BAIAP3: variants seen among roughly 807,000 people sequenced by gnomAD.
BAIAP3 encodes the protein BAI1 associated protein 3.
In BAIAP3, 180 loss-of-function variants were observed where a neutral mutation model predicts 149.7. The observed-to-expected ratio is 1.20, with a 90% confidence interval of 1.07 to 1.36. The LOEUF (loss-of-function observed/expected upper bound fraction) is 1.36. Among genes scored for constraint, BAIAP3 ranks in the 40% most tolerant of loss-of-function variants. The probability of loss-of-function intolerance (pLI) is 0.00; values close to 1 mark genes in which losing one functional copy is unlikely to be tolerated. For synonymous variants in BAIAP3, 845 were observed against 670.7 expected (o/e 1.26, Z -4.02); for missense variants, 1,767 against 1,563.4 (o/e 1.13, Z -2.20).
Position 1,348,103 on chromosome 16 carries a change from C to G in BAIAP3, c.3157C>G (p.Pro1053Ala), listed in dbSNP as rs1199631032. ...ACTGGCCTCTGTCCGCAGTTCCGTG[C>G]CTGCCGAGGCGTGCCGCCGCCGCGC... ...VYDELFYFSVPAEACRRRAAC... is the reference protein window; with the variant it reads ...VYDELFYFSVAAEACRRRAAC... The change falls in exon 33 of 34, where the codon CCT (proline) becomes GCT (alanine). Residue 1053 changes from proline to alanine, a missense_variant. Physicochemically the swap from Pro to Ala is conservative, Grantham distance 27. Coordinates refer to ENST00000426824, the MANE Select transcript of BAIAP3 (RefSeq NM_001199097.2). The G allele has an allele frequency of 3.1e-6, 5 of 1,602,758 alleles. No homozygotes were observed. The highest frequency in any genetic ancestry group is 4.2e-6 in the Non-Finnish European group (5 of 1,179,298).
chr16:1,334,501 C>G, intron 1 of BAIAP3: 1 of 640,008 alleles, frequency 1.6e-6, no homozygotes, highest in Non-Finnish European at 2.8e-6. Context: ...GGGAGCGCTG[C>G]GCAGACACGG....
intron 28 of BAIAP3, 56 bp downstream of exon 28, chr16:1,347,011 T>TC (rs1201086428): frequency 3.0e-5 from 45 of 1,481,438 alleles, no homozygotes; most frequent in Non-Finnish European, 4.0e-5. Flanking sequence ...GCTGCTCTGA[T>TC]CCCTCCCTTT....
rs771377378 is a variant in BAIAP3, at chr16:1,342,230, C to A, written c.904C>A (p.Pro302Thr). ...AGCCCGCGCAAACGGGACAGCAGGA[C>A]CCACCGAGGACCACACCGATGACTT... ...KSARANGTAG[P>T]TEDHTDDFLG... Residue 302 changes from proline (P) to threonine (T), a missense_variant, in exon 11 of 34, where the codon CCC becomes ACC. Coordinates refer to ENST00000426824, the MANE Select transcript of BAIAP3 (RefSeq NM_001199097.2). The A allele has an allele frequency of 6.2e-7, 1 of 1,607,868 alleles. No individual in the cohort carries two copies. The highest frequency in any genetic ancestry group is 1.1e-5 in the South Asian group (1 of 90,792).
At position 1,349,337 on chromosome 16, in the gene BAIAP3, C is replaced by T; in HGVS notation, c.*855C>T. 1.5e-6 allele frequency: 2 copies of T among 1,360,548 alleles called. No individual in the cohort carries two copies. The highest frequency in any genetic ancestry group is 2.1e-6 in the Non-Finnish European group (2 of 951,120). The allele number at this position is 1,360,548 out of a possible 1,614,324, so 84.3% of individuals were successfully genotyped here. A position where few individuals can be genotyped will look rare whatever the true frequency, so the allele number is the denominator to read the frequency against. The stretch of plus-strand genomic sequence containing the variant: ...GAGAACCCGGACAGCTCAGTCCTGC[C>T]AGCAGCCGCAAAGAGCCGAGGCTGC... On this transcript the variant is annotated 3_prime_UTR_variant, in exon 34 of 34. Transcript: ENST00000426824.
Position 1,346,169 on chromosome 16 carries a change from GCTCT to G in BAIAP3, c.2302_2305del (p.Leu768AlafsTer18), listed in dbSNP as rs1280317470. On this transcript the variant is annotated frameshift_variant and splice_region_variant, in exon 25 of 34. Coordinates refer to ENST00000426824, the MANE Select transcript of BAIAP3 (RefSeq NM_001199097.2). LOFTEE classifies it high-confidence loss of function. ...TCGTTGCCTGGCCACACCTCCTCCA[GCTCT>G]GCGTGGTCCTCAACAATGTGGAGCT... 3.7e-6 allele frequency: 6 copies of G among 1,610,838 alleles called. No homozygotes were observed. Among genetic ancestry groups the G allele is most frequent in the Non-Finnish European group, 5.1e-6 (6 of 1,179,702 alleles).
chr16:1,347,671 GC>G, intron 30 of BAIAP3, 29 bp from the exon 31 acceptor site: 12 of 1,612,354 alleles, frequency 7.4e-6, no homozygotes, highest in Admixed American at 1.7e-5. Context: ...GGCTCCCAGA[GC>G]CCAGCTGCGC....
At position 1,346,371 on chromosome 16, in the gene BAIAP3, G is replaced by A. The variant is rs761959262; in HGVS notation, c.2493+10G>A. ...GCACCTGACCTCTAAGGTGGGTGGG[G>A]CCTGGAGACCAAGGCGTGGAGGCAG... On this transcript the variant is annotated intron_variant, in intron 25 of 33. Coordinates refer to ENST00000426824, the MANE Select transcript of BAIAP3 (RefSeq NM_001199097.2). 8.7e-6 allele frequency: 14 copies of A among 1,610,352 alleles called. No individual in the cohort carries two copies. The highest frequency in any genetic ancestry group is 1.2e-5 in the Non-Finnish European group (14 of 1,178,102).
rs746517286 is a variant in BAIAP3, at chr16:1,341,107, C to T, written c.469-22C>T. 98 of 1,610,766 alleles carry T rather than the reference C, an allele frequency of 6.1e-5. 1 individual carries two copies. The South Asian group carries it at 1.1e-3, about 18-fold the overall frequency. Reference sequence around the variant, plus strand: ...GGGGGCAGCTCAGCCTCACCAGGCCCCCCACGCCCCTCTGTCCACAGGCCC... The same window carrying T: ...GGGGGCAGCTCAGCCTCACCAGGCCTCCCACGCCCCTCTGTCCACAGGCCC... On this transcript the variant is annotated intron_variant, in intron 6 of 33. Transcript: ENST00000426824.
chr16:1,341,685 A>T, intron 8 of BAIAP3, 137 bp from the exon 9 acceptor site: 1 of 1,196,568 alleles, frequency 8.4e-7, no homozygotes, highest in East Asian at 2.4e-5. Context: ...ACCTGGCGGG[A>T]TCAGGATTTG....
rs748121431 is a variant in BAIAP3 at position 1,340,965 on chromosome 16, G to A, written c.452G>A (p.Arg151Gln). Residue 151 changes from arginine (R) to glutamine (Q), a missense_variant, in exon 6 of 34, where the codon CGA (arginine) becomes CAA (glutamine). Coordinates refer to ENST00000426824, the MANE Select transcript of BAIAP3 (RefSeq NM_001199097.2). ...GAGGAGCACACTGAGGCCATCGAGC[G>A]AGTGAGGAAGGCCAAGGTGAGGCCG... is the stretch of plus-strand genomic sequence containing the variant. ...SLEEHTEAIE[R>Q]VRKAKAPTYA... 49 of 1,592,232 alleles carry A rather than the reference G, an allele frequency of 3.1e-5. No homozygotes were observed. The highest frequency in any genetic ancestry group is 3.9e-5 in the Non-Finnish European group (46 of 1,170,056).
chr16:1,339,926 C>G (rs1479838724), intron 5 of BAIAP3, among the ~76,000 whole-genome samples: 1 of 145,324 alleles, frequency 6.9e-6, no homozygotes, highest in Non-Finnish European at 1.5e-5. Flanking sequence ...GCTGCAGGTG[C>G]ACACAGACAC....
At chr16:1,338,506 G>C in intron 1 of BAIAP3, 34 bp from the exon 2 acceptor site, 1 of 1,560,536 alleles carries the variant, frequency 6.4e-7, no homozygotes, top group Admixed American at 1.8e-5. Flanking sequence ...TTGAGTGGAC[G>C]ACCTGAGGCT....
chr16:1,343,059 C>T lies in BAIAP3; in HGVS notation c.1265+43C>T, dbSNP rs755738958. 12 of 1,349,272 alleles carry T rather than the reference C, an allele frequency of 8.9e-6. No homozygotes were observed. The African/African-American group carries it at 1.7e-4, about 19-fold the overall frequency. The allele number at this position is 1,349,272 out of a possible 1,614,324, so 83.6% of individuals were successfully genotyped here. Reference sequence around the variant, plus strand: ...CGAGTGGGCGGGGAATGTGGGCGGGCGTGAGCGAGTGGGGCATCGGGGGCC... The same window carrying T: ...CGAGTGGGCGGGGAATGTGGGCGGGTGTGAGCGAGTGGGGCATCGGGGGCC... On this transcript the variant is annotated intron_variant, in intron 14 of 33. Coordinates refer to ENST00000426824, the MANE Select transcript of BAIAP3 (RefSeq NM_001199097.2).
intron 31 of BAIAP3, 23 bp downstream of exon 31, chr16:1,347,844 C>A: frequency 1.3e-6 from 2 of 1,484,744 alleles, no homozygotes; most frequent in Non-Finnish European, 1.8e-6. Context: ...GGGGACGGGT[C>A]GGGTGGTGGT....
At position 1,340,409 on chromosome 16, in the gene BAIAP3, C is replaced by T. The variant is rs1326142388; in HGVS notation, c.409-513C>T. On this transcript the variant is annotated intron_variant, in intron 5 of 33. Coordinates refer to ENST00000426824, the MANE Select transcript of BAIAP3 (RefSeq NM_001199097.2). ...CAGGTTGCAGGTGCACACAGATGCA[C>T]GCACATAGGCTGCAGGTGTACACAG... Among the ~76,000 whole-genome samples, 4 of 102,152 alleles carry T rather than the reference C, an allele frequency of 3.9e-5. No homozygotes were observed. In the East Asian group the frequency reaches 9.1e-4, roughly 23 times the overall value. The allele number at this position is 102,152 out of a possible 152,430, so 67.0% of individuals were successfully genotyped here.
chr16:1,346,951 T>C lies in BAIAP3; in HGVS notation c.2747T>C (p.Leu916Pro). ...TTCTACAGCCGCTTCCATTTCACGC[T>C]GGAGGTAGAGCTCTGTGAAGGAGTC... ...ADFYSRFHFT[L>P]EALVSFFHAE... is the part of the protein sequence containing the mutation. Residue 916 changes from leucine (L) to proline (P), a missense_variant, in exon 28 of 34, where the codon CTG becomes CCG. Transcript: ENST00000426824. The C allele has an allele frequency of 1.2e-6, 2 of 1,607,524 alleles. No individual in the cohort carries two copies. Among genetic ancestry groups the C allele is most frequent in the Non-Finnish European group, 1.7e-6 (2 of 1,177,866 alleles).
Position 1,339,520 on chromosome 16 carries a change from C to T in BAIAP3, c.325C>T (p.Leu109=). 1.2e-6 allele frequency: 2 copies of T among 1,612,100 alleles called. No homozygotes were observed. Among genetic ancestry groups the T allele is most frequent in the Non-Finnish European group, 1.7e-6 (2 of 1,179,324 alleles). ...GGTGGAGATGCTCTACGAGGAGGCC[C>T]TGTACACGGTGCTTTACCGCGCGGG... is the stretch of plus-strand genomic sequence containing the variant. ...EEVEMLYEEA[L]YTVLYRAGTM... Residue 109 remains leucine, a synonymous_variant, in exon 5 of 34, where the codon CTG becomes TTG. Coordinates refer to ENST00000426824, the MANE Select transcript of BAIAP3 (RefSeq NM_001199097.2).
rs372388022 is a variant in BAIAP3 at position 1,341,132 on chromosome 16, C to T, written c.472C>T (p.Pro158Ser). Residue 158 changes from proline (P) to serine (S), a missense_variant, in exon 7 of 34, where the codon CCC (proline) becomes TCC (serine). Transcript: ENST00000426824. ...CCCCACGCCCCTCTGTCCACAGGCC[C>T]CCACGTATGCCCTGAAAGTCTCTGT... ...AIERVRKAKA[P>S]TYALKVSVMR... 3.1e-6 allele frequency: 5 copies of T among 1,612,528 alleles called. No homozygotes were observed. The highest frequency in any genetic ancestry group is 1.7e-5 in the Admixed American group (1 of 59,986).
In BAIAP3 at chr16:1,346,751, CG is replaced by C. The variant is rs1567172343; in HGVS notation, c.2642+69del. ...TCACTGAGGCCGCCCTGCAGGGTGC[CG>C]GAGGCCCTGTGGGAGCTACTCCTCC... On this transcript the variant is annotated intron_variant, in intron 27 of 33. Transcript: ENST00000426824. 16 of 1,499,322 alleles carry C rather than the reference CG, an allele frequency of 1.1e-5. No homozygotes were observed. The Admixed American group carries it at 2.2e-4, about 21-fold the overall frequency. 92.9% of individuals were successfully genotyped at this position (1,499,322 alleles called of 1,614,324 possible).
Sources: gnomAD v4.1 joint callset for allele counts (sites outside exome capture counted in the v4.1 genomes callset) on GRCh38, gnomAD v4.1.1 for gene constraint, MANE v1.5 for transcripts, NCBI Gene and HGNC (gene_info 2026-07-23, HGNC 2026-07-21) for gene names.